SLC39A12: variants seen among roughly 807,000 people sequenced by gnomAD.
SLC39A12 encodes the protein zinc transporter ZIP12.
In SLC39A12, 63 loss-of-function variants were observed where a neutral mutation model predicts 71.1. The observed-to-expected ratio is 0.89, with a 90% CI of 0.72 to 1.09. SLC39A12 has a LOEUF of 1.09. Ranked by LOEUF, SLC39A12 falls within the 50% of genes least tolerant of loss-of-function variation. The pLI is 0.00. For missense variants in SLC39A12, 892 were observed against 812.6 expected (o/e 1.10, Z -1.19); for synonymous variants, 351 against 301.3 (o/e 1.16, Z -1.71).
intron 7 of SLC39A12, among the ~76,000 whole-genome samples, chr10:17,990,788 C>T: frequency 6.6e-6 from 1 of 152,136 alleles, no homozygotes. Context: ...CATGGTTGTA[C>T]AAACAGATGC....
At chr10:17,955,628 TC>T (rs1834520978) in intron 2 of SLC39A12, among the ~76,000 whole-genome samples, 1 of 152,290 alleles carries the variant, frequency 6.6e-6, no homozygotes, top group East Asian at 1.9e-4. Context: ...TTTCTTCATA[TC>T]CCTAAATGTC....
chr10:18,002,205 A>C (rs985075669), intron 11 of SLC39A12: 2 of 152,076 alleles, frequency 1.3e-5, no homozygotes, highest in Non-Finnish European at 2.9e-5. Flanking sequence ...GGCTCTTCGC[A>C]GTCTCTCTGC....
intron 3 of SLC39A12, among the ~76,000 whole-genome samples, chr10:17,964,209 G>A (rs1019557788): frequency 7.9e-5 from 12 of 152,176 alleles, no homozygotes; most frequent in Non-Finnish European, 1.2e-4. Flanking sequence ...TCATGCTTCC[G>A]TGAAGTTCAA....
At chr10:18,040,302 G>A (rs1837184738) in intron 12 of SLC39A12, among the ~76,000 whole-genome samples, 1 of 152,038 alleles carries the variant, frequency 6.6e-6, no homozygotes, top group Admixed American at 6.6e-5. Flanking sequence ...GTTTAAAATG[G>A]TCCACCCAGG....
chr10:17,990,169 T>C (rs1021086727), intron 7 of SLC39A12, among the ~76,000 whole-genome samples: 8 of 152,222 alleles, frequency 5.3e-5, no homozygotes, highest in African/African-American at 1.4e-4. Flanking sequence ...CCCTATTTTG[T>C]GCAATAATGG....
chr10:18,017,787 T>C (rs1836426679), intron 12 of SLC39A12, among the ~76,000 whole-genome samples: 1 of 152,208 alleles, frequency 6.6e-6, no homozygotes, highest in Non-Finnish European at 1.5e-5. Flanking sequence ...CCTGTAACAT[T>C]ATAGTAAGTC....
At chr10:18,011,159 A>C (rs1015735080) in intron 12 of SLC39A12, among the ~76,000 whole-genome samples, 1 of 151,926 alleles carries the variant, frequency 6.6e-6, no homozygotes, top group South Asian at 2.1e-4. Flanking sequence ...GCGCGATCTC[A>C]ACTTACTGCA....
intron 12 of SLC39A12, among the ~76,000 whole-genome samples, chr10:18,025,245 T>A (rs956373006): frequency 4.9e-5 from 7 of 143,512 alleles, no homozygotes; most frequent in African/African-American, 1.6e-4. Context: ...TATTTTTTTT[T>A]ATTATACTTT....
chr10:18,007,975 C>G (rs1170934824), intron 12 of SLC39A12, among the ~76,000 whole-genome samples: 2 of 152,230 alleles, frequency 1.3e-5, no homozygotes, highest in East Asian at 3.8e-4. Context: ...ATGGATTACT[C>G]TTGTTCACAT....
chr10:18,029,139 G>C (rs1472713137), intron 12 of SLC39A12, among the ~76,000 whole-genome samples: 1 of 152,084 alleles, frequency 6.6e-6, no homozygotes, highest in Non-Finnish European at 1.5e-5. Context: ...CCAAAGTGCT[G>C]GGATTACAGG....
At chr10:18,022,539 C>A (rs1456656839) in intron 12 of SLC39A12, among the ~76,000 whole-genome samples, 2 of 152,094 alleles carry the variant, frequency 1.3e-5, no homozygotes, top group Non-Finnish European at 2.9e-5. Context: ...AATCATTTTA[C>A]TGGATTCTTT....
At chr10:17,958,764 T>A (rs1430175134) in intron 2 of SLC39A12, among the ~76,000 whole-genome samples, 2 of 152,234 alleles carry the variant, frequency 1.3e-5, no homozygotes, top group Non-Finnish European at 2.9e-5. Context: ...TTGCATACCG[T>A]ACACAAATGT....
chr10:18,037,924 G>GC (rs1837105936), intron 12 of SLC39A12, among the ~76,000 whole-genome samples: 1 of 148,762 alleles, frequency 6.7e-6, no homozygotes, highest in Admixed American at 6.8e-5. Flanking sequence ...GGCGACTGAG[G>GC]CAGGGGAATT....
Position 17,964,089 on chromosome 10 carries a change from G to A in SLC39A12, c.544-1394G>A, listed in dbSNP as rs115412031. Among the ~76,000 whole-genome samples the A allele has an allele frequency of 7.3e-3, 1,118 of 152,190 alleles. 13 individuals carry two copies. The highest frequency in any genetic ancestry group is 0.025 in the African/African-American group (1,047 of 41,482). ...CCTGCCTACTGCATGGAGGCTGGGC[G>A]TTCCTGACCCCACGCAAAGGACTTC... is the stretch of plus-strand genomic sequence containing the variant. On this transcript the variant is annotated intron_variant, in intron 3 of 12. Coordinates refer to ENST00000377369, the MANE Select transcript of SLC39A12 (RefSeq NM_001145195.2).
At chr10:17,981,220 A>T in intron 5 of SLC39A12, 92 bp from the exon 6 acceptor site, 2 of 1,159,424 alleles carry the variant, frequency 1.7e-6, no homozygotes, top group Non-Finnish European at 2.4e-6. Flanking sequence ...TCGCTATTCC[A>T]TCTAGAATTC....
intron 6 of SLC39A12, among the ~76,000 whole-genome samples, chr10:17,984,720 C>T (rs960842547): frequency 6.6e-6 from 1 of 152,128 alleles, no homozygotes; most frequent in Non-Finnish European, 1.5e-5. Context: ...TACAGTTCGC[C>T]ATCTTAACCA....
chr10:18,015,650 A>T lies in SLC39A12; in HGVS notation c.1947+12292A>T, dbSNP rs199659092. Among the ~76,000 whole-genome samples the T allele has an allele frequency of 2.3e-5, 3 of 132,202 alleles. No homozygotes were observed. The South Asian group carries it at 6.9e-4, about 30-fold the overall frequency. 86.7% of individuals were successfully genotyped at this position (132,202 alleles called of 152,430 possible). A position where few individuals can be genotyped will look rare whatever the true frequency, so the allele number is the denominator to read the frequency against. On this transcript the variant is annotated intron_variant, in intron 12 of 12. Transcript: ENST00000377369. ...TTCCTTCTTTTTTATTTTTAAAAAAATTTTTAGAGTGACAGAACTATGTGG... is the reference window on the plus strand; with the variant it reads ...TTCCTTCTTTTTTATTTTTAAAAAATTTTTTAGAGTGACAGAACTATGTGG...
At chr10:17,990,620 T>C (rs1403013731) in intron 7 of SLC39A12, among the ~76,000 whole-genome samples, 2 of 152,166 alleles carry the variant, frequency 1.3e-5, no homozygotes, top group African/African-American at 4.8e-5. Flanking sequence ...CCCAGAGACC[T>C]GACAATATTG....
Position 17,953,393 on chromosome 10 carries a change from T to C in SLC39A12, c.117T>C (p.Ser39=). Residue 39 remains serine, a synonymous_variant, in exon 2 of 13, where the codon AGT becomes AGC. Coordinates refer to ENST00000377369, the MANE Select transcript of SLC39A12 (RefSeq NM_001145195.2). ...CCCAGGATAGCAGAAGCCGTGGGAG[T>C]TCAGGCCAACCGGCAGACCTGCTAC... ...PSAQDSRSRG[S]SGQPADLLQV... is the part of the protein sequence containing the mutation. The C allele has an allele frequency of 1.7e-5, 28 of 1,613,884 alleles. No individual in the cohort carries two copies. The highest frequency in any genetic ancestry group is 2.3e-5 in the Non-Finnish European group (27 of 1,180,010).
Sources: allele counts gnomAD v4.1 joint callset (sites outside exome capture counted in the v4.1 genomes callset), GRCh38; gene constraint gnomAD v4.1.1; transcripts MANE v1.5; gene names NCBI Gene and HGNC (gene_info 2026-07-23, HGNC 2026-07-21).